ENTPD5: variants seen among roughly 807,000 people sequenced by gnomAD.
ENTPD5 encodes the protein nucleoside diphosphate phosphatase ENTPD5.
In ENTPD5, 49 loss-of-function variants were observed where a neutral mutation model predicts 60.2. The ratio of observed to expected loss-of-function variants is 0.81; its 90% CI spans 0.65 to 1.03. The LOEUF (loss-of-function observed/expected upper bound fraction) is 1.03, where lower values mean the gene tolerates loss of function less well. Ranked by LOEUF, ENTPD5 falls within the 50% of genes least tolerant of loss-of-function variation. The probability of loss-of-function intolerance (pLI) is 0.00; values close to 1 mark genes in which losing one functional copy is unlikely to be tolerated. For synonymous variants in ENTPD5, 187 were observed against 185.4 expected (o/e 1.01, Z -0.07); for missense variants, 480 against 507.6 (o/e 0.95, Z 0.52).
rs1310357900 is a variant in ENTPD5, at chr14:74,005,276, AAAAAAG to A, written c.-71+5809_-71+5814del. Among the ~76,000 whole-genome samples the A allele has an allele frequency of 1.2e-3, 140 of 118,402 alleles. 2 individuals carry two copies. Among genetic ancestry groups the A allele is most frequent in the African/African-American group, 4.3e-3 (131 of 30,784 alleles). 77.7% of individuals were successfully genotyped at this position (118,402 alleles called of 152,430 possible). A position where few individuals can be genotyped will look rare whatever the true frequency, so the allele number is the denominator to read the frequency against. ...GTGAGACTCAGTCTCAAAAAAAAAA[AAAAAAG>A]AAAAAAAGAAAAAAAGAAAAAAAGA... On this transcript the variant is annotated intron_variant, in intron 3 of 15. Coordinates refer to ENST00000334696, the MANE Select transcript of ENTPD5 (RefSeq NM_001249.5).
At chr14:73,959,716 C>T (rs535784221), downstream of ENTPD5, 208 of 1,174,400 alleles carry the variant, frequency 1.8e-4, no homozygotes, top group Non-Finnish European at 1.9e-4. Context: ...ACTACAGGCA[C>T]GTGCCACCAT....
intron 3 of ENTPD5, among the ~76,000 whole-genome samples, chr14:74,009,563 C>T (rs2058780610): frequency 6.6e-6 from 1 of 152,136 alleles, no homozygotes; most frequent in African/African-American, 2.4e-5. Context: ...TTTGTCTTTC[C>T]CCCACCAAAT....
chr14:73,983,194 C>A (rs773289079), intron 5 of ENTPD5, 33 bp from the exon 6 acceptor site: 236 of 1,590,368 alleles, frequency 1.5e-4, no homozygotes, highest in Non-Finnish European at 2.0e-4. Context: ...ATCTGATGAA[C>A]GATCCATTTA....
intron 3 of ENTPD5, among the ~76,000 whole-genome samples, chr14:73,998,827 G>A (rs1409448368): frequency 6.6e-6 from 1 of 152,096 alleles, no homozygotes; most frequent in East Asian, 1.9e-4. Context: ...AACAGTGAAT[G>A]GATCAGTTTG....
intron 2 of ENTPD5, among the ~76,000 whole-genome samples, chr14:74,014,616 G>C (rs976855171): frequency 1.3e-5 from 2 of 152,096 alleles, no homozygotes; most frequent in African/African-American, 4.8e-5. Flanking sequence ...GTAAAACATT[G>C]AATGTTTTAA....
At position 73,987,877 on chromosome 14, in the gene ENTPD5, T is replaced by A. The variant is rs749695675; in HGVS notation, c.217+9A>T. The A allele has an allele frequency of 5.9e-5, 96 of 1,613,832 alleles. 2 individuals carry two copies. In the South Asian group the frequency reaches 9.9e-4, roughly 17 times the overall value. ...TACAGACTCTACTAAGGGTCCCAGT[T>A]GCACTTACCTGGCATTTTCTGCACA... On this transcript the variant is annotated intron_variant, in intron 4 of 15. Transcript: ENST00000334696.
intron 3 of ENTPD5, among the ~76,000 whole-genome samples, chr14:74,004,328 C>T (rs772697420): frequency 6.6e-6 from 1 of 151,982 alleles, no homozygotes; most frequent in African/African-American, 2.4e-5. Context: ...CCACCACACC[C>T]GGCTAATTTT....
intron 3 of ENTPD5, among the ~76,000 whole-genome samples, chr14:73,997,122 T>C (rs2058363542): frequency 6.6e-6 from 1 of 151,998 alleles, no homozygotes; most frequent in East Asian, 1.9e-4. Context: ...GGATGAGAGG[T>C]AGGAATTATC....
chr14:73,994,162 G>C (rs1012888748), intron 3 of ENTPD5, among the ~76,000 whole-genome samples: 6 of 151,930 alleles, frequency 3.9e-5, no homozygotes, highest in Non-Finnish European at 7.4e-5. Context: ...GTTTCACTCT[G>C]TTGCCCAGGC....
intron 5 of ENTPD5, 168 bp downstream of exon 5, chr14:73,986,646 G>A: frequency 1.6e-6 from 1 of 613,078 alleles, no homozygotes; most frequent in Non-Finnish European, 2.9e-6. Flanking sequence ...GCCCTCATGA[G>A]CGTGGGAAAT....
intron 6 of ENTPD5, among the ~76,000 whole-genome samples, chr14:73,978,558 G>A (rs150959685): frequency 0.014 from 2,051 of 151,784 alleles, 42 homozygotes; most frequent in African/African-American, 0.047. Context: ...CCGAGATCGC[G>A]CCATTGCACT....
At chr14:73,985,333 G>A (rs554247978) in intron 5 of ENTPD5, among the ~76,000 whole-genome samples, 3 of 152,206 alleles carry the variant, frequency 2.0e-5, no homozygotes, top group African/African-American at 7.2e-5. Context: ...TTCCACAATG[G>A]TTGAACTAGT....
downstream of ENTPD5, chr14:73,958,378 G>A (rs1478403402): frequency 6.3e-7 from 1 of 1,585,120 alleles, no homozygotes; most frequent in Non-Finnish European, 8.6e-7. Context: ...TTTAATTTTA[G>A]GCAAAACTTT....
downstream of ENTPD5, chr14:73,961,425 G>A (rs2056728989): frequency 1.9e-6 from 3 of 1,614,190 alleles, no homozygotes; most frequent in Non-Finnish European, 2.5e-6. Flanking sequence ...TGCTGCCAGA[G>A]GTCACACCTG....
chr14:73,959,130 TC>T, downstream of ENTPD5: 1 of 1,614,152 alleles, frequency 6.2e-7, no homozygotes, highest in Non-Finnish European at 8.5e-7. Context: ...ACTAGGTACT[TC>T]ACAGAGAAAC....
downstream of ENTPD5, chr14:73,960,587 G>A: frequency 9.6e-7 from 1 of 1,036,484 alleles, no homozygotes; most frequent in Non-Finnish European, 1.2e-6. Context: ...CCTCTGCAGT[G>A]CAGTCATTCA....
chr14:73,961,891 G>C, downstream of ENTPD5: 1 of 1,614,124 alleles, frequency 6.2e-7, no homozygotes, highest in Non-Finnish European at 8.5e-7. Flanking sequence ...CAAATGCAGT[G>C]TCTCCACTCA....
rs1309741028 is a variant in ENTPD5, at chr14:73,966,978, C to A, written c.1237G>T (p.Ala413Ser). The change falls in exon 16 of 16, where the codon GCC becomes TCC. Residue 413 changes from alanine to serine, a missense_variant. Coordinates refer to ENST00000334696, the MANE Select transcript of ENTPD5 (RefSeq NM_001249.5). ...AACAGGTGAAAGGTGGCCCCCAAGG[C>A]CCAGCCCGTCTCTATGTTGTTCACT... is the stretch of plus-strand genomic sequence containing the variant. ...KKVNNIETGW[A>S]LGATFHLLQS... 2 of 1,614,082 alleles carry A rather than the reference C, an allele frequency of 1.2e-6. No individual in the cohort carries two copies. Among genetic ancestry groups the A allele is most frequent in the African/African-American group, 2.7e-5 (2 of 74,924 alleles).
intron 5 of ENTPD5, among the ~76,000 whole-genome samples, chr14:73,985,197 A>C (rs139054517): frequency 6.6e-6 from 1 of 152,324 alleles, no homozygotes; most frequent in Non-Finnish European, 1.5e-5. Context: ...TGCCTCAATA[A>C]ACATATGTGT....
Sources: gnomAD v4.1 joint callset for allele counts (sites outside exome capture counted in the v4.1 genomes callset) on GRCh38, gnomAD v4.1.1 for gene constraint, MANE v1.5 for transcripts, NCBI Gene and HGNC (gene_info 2026-07-23, HGNC 2026-07-21) for gene names.